Variants in FGF14 observed in about 807,000 individuals in gnomAD.
The protein encoded by FGF14 is fibroblast growth factor homologous factor 4.
In FGF14, 5 loss-of-function variants were observed where a neutral mutation model predicts 25.5. The observed-to-expected ratio is 0.20, with a 90% CI of 0.10 to 0.41. The LOEUF (loss-of-function observed/expected upper bound fraction) is 0.41. Ranked by LOEUF, FGF14 falls within the 10% of genes least tolerant of loss-of-function variation. The probability of loss-of-function intolerance (pLI) is 1.00; values close to 1 mark genes in which losing one functional copy is unlikely to be tolerated. For missense variants in FGF14, 222 were observed against 320.1 expected, an observed-to-expected ratio of 0.69 and a Z score of 2.34; for synonymous variants, 138 against 118.3, an observed-to-expected ratio of 1.17 and a Z score of -1.08.
chr13:102,107,814 G>A (rs541274752), intron 1 of FGF14, among the ~76,000 whole-genome samples: 16 of 152,324 alleles, frequency 1.1e-4, no homozygotes, highest in Non-Finnish European at 2.2e-4. Flanking sequence ...GAAACTGCAA[G>A]ACATACTCAG....
At chr13:101,749,965 C>A (rs961318400) in intron 3 of FGF14, among the ~76,000 whole-genome samples, 1 of 151,978 alleles carries the variant, frequency 6.6e-6, no homozygotes, top group African/African-American at 2.4e-5. Flanking sequence ...GAGGATGAAT[C>A]CCTCCTGAAA....
intron 1 of FGF14, among the ~76,000 whole-genome samples, chr13:101,981,649 ACAACAACAAC>A (rs1456390395): frequency 1.3e-5 from 2 of 151,608 alleles, no homozygotes; most frequent in Non-Finnish European, 2.9e-5. Context: ...TAATTAAAAA[ACAACAACAAC>A]AACAACAACA....
At chr13:102,260,516 T>C (rs1345128182) in intron 1 of FGF14, among the ~76,000 whole-genome samples, 1 of 152,246 alleles carries the variant, frequency 6.6e-6, no homozygotes, top group Non-Finnish European at 1.5e-5. Context: ...TGGCTCTGTT[T>C]TGATTTCCTC....
intron 1 of FGF14, among the ~76,000 whole-genome samples, chr13:102,342,139 G>A (rs145608418): frequency 3.3e-4 from 50 of 152,284 alleles, no homozygotes; most frequent in African/African-American, 1.1e-3. Context: ...TAAGTTACGA[G>A]GGAGTTATGT....
At chr13:102,278,645 T>TATATATATAC (rs1452733538) in intron 1 of FGF14, among the ~76,000 whole-genome samples, 17 of 147,040 alleles carry the variant, frequency 1.2e-4, no homozygotes, top group East Asian at 5.9e-4. Flanking sequence ...TATATATATA[T>TATATATATAC]ACATACACAC....
At chr13:102,035,614 A>G (rs1409991158) in intron 1 of FGF14, among the ~76,000 whole-genome samples, 1 of 152,074 alleles carries the variant, frequency 6.6e-6, no homozygotes, top group Non-Finnish European at 1.5e-5. Context: ...TTACTTTTTC[A>G]CTGCTGGAGT....
rs951605265 is a variant in FGF14 at position 101,985,551 on chromosome 13, C to G, written c.209-110255G>C. On this transcript the variant is annotated intron_variant, in intron 1 of 4. Transcript: ENST00000376131. The stretch of plus-strand genomic sequence containing the variant: ...AATCATAGATGACATATTCCTCATG[C>G]ATTAGTACTGTCCTTCATGGTGTGA... Among the ~76,000 whole-genome samples the G allele has an allele frequency of 3.3e-5, 5 of 152,052 alleles. No individual in the cohort carries two copies. In the East Asian group the frequency reaches 9.7e-4, roughly 29 times the overall value.
At chr13:101,957,746 C>T (rs1382921805) in intron 1 of FGF14, among the ~76,000 whole-genome samples, 2 of 152,172 alleles carry the variant, frequency 1.3e-5, no homozygotes, top group African/African-American at 4.8e-5. Context: ...TCCATTTACA[C>T]AGGCCTACTA....
At chr13:102,233,827 T>G (rs2051197934) in intron 1 of FGF14, among the ~76,000 whole-genome samples, 1 of 152,242 alleles carries the variant, frequency 6.6e-6, no homozygotes, top group Non-Finnish European at 1.5e-5. Flanking sequence ...ATGAGGTCAG[T>G]GAGTAACTGA....
chr13:102,388,517 A>C (rs1301465727), intron 1 of FGF14, among the ~76,000 whole-genome samples: 1 of 152,154 alleles, frequency 6.6e-6, no homozygotes, highest in Non-Finnish European at 1.5e-5. Flanking sequence ...TCTCTCATTT[A>C]CACCTTCTGT....
At chr13:101,850,502 ATATATATATATAGAATTATATATT>A (rs2043752310) in intron 3 of FGF14, among the ~76,000 whole-genome samples, 1 of 1,880 alleles carries the variant, frequency 5.3e-4, no homozygotes, top group Non-Finnish European at 1.2e-3. Flanking sequence ...ATATATATAT[ATATATATATATAGAATTATATATT>A]CTATATATAT....
At chr13:101,723,109 C>T in intron 4 of FGF14, 142 bp from the exon 5 acceptor site, 1 of 971,570 alleles carries the variant, frequency 1.0e-6, no homozygotes, top group Admixed American at 1.9e-5. Context: ...AGACAGAATT[C>T]CTGTTGTAAA....
chr13:102,335,402 C>A (rs552600412), intron 1 of FGF14, among the ~76,000 whole-genome samples: 28 of 152,210 alleles, frequency 1.8e-4, no homozygotes, highest in African/African-American at 6.7e-4. Context: ...ATGCACTGGC[C>A]TATTCCATAA....
At chr13:102,188,555 G>A (rs954924807) in intron 1 of FGF14, among the ~76,000 whole-genome samples, 7 of 152,162 alleles carry the variant, frequency 4.6e-5, no homozygotes, top group Non-Finnish European at 1.0e-4. Flanking sequence ...ATAAAGCACA[G>A]TATCTGGCAG....
At chr13:102,083,413 T>G (rs2043732507) in intron 1 of FGF14, among the ~76,000 whole-genome samples, 3 of 148,682 alleles carry the variant, frequency 2.0e-5, no homozygotes, top group South Asian at 4.1e-4. Flanking sequence ...AGTATCTCAT[T>G]AAGTGTTGGG....
intron 1 of FGF14, among the ~76,000 whole-genome samples, chr13:102,068,471 G>C (rs1022176292): frequency 5.9e-5 from 9 of 152,242 alleles, no homozygotes; most frequent in African/African-American, 2.2e-4. Context: ...GGTAGGTGTG[G>C]AGGGAGAGGC....
At chr13:102,242,548 A>G (rs941250683) in intron 1 of FGF14, among the ~76,000 whole-genome samples, 8 of 152,090 alleles carry the variant, frequency 5.3e-5, no homozygotes, top group Admixed American at 1.3e-4. Context: ...TTGTTATTTT[A>G]TAAGGAATCC....
At chr13:102,203,721 G>A (rs1048122816) in intron 1 of FGF14, among the ~76,000 whole-genome samples, 3 of 152,142 alleles carry the variant, frequency 2.0e-5, no homozygotes, top group Non-Finnish European at 4.4e-5. Context: ...ACTTCATGAA[G>A]TCTAATTTTT....
intron 1 of FGF14, among the ~76,000 whole-genome samples, chr13:102,275,232 A>G (rs979152139): frequency 1.1e-5 from 1 of 92,436 alleles, no homozygotes; most frequent in Non-Finnish European, 2.3e-5. Context: ...GATTAGGCAG[A>G]TTTCTCTCTC....
Sources: allele counts gnomAD v4.1 joint callset (sites outside exome capture counted in the v4.1 genomes callset), GRCh38; gene constraint gnomAD v4.1.1; transcripts MANE v1.5; gene names NCBI Gene and HGNC (gene_info 2026-07-23, HGNC 2026-07-21).